The following MAGI3 variants were observed in gnomAD, a reference collection of about 807,000 sequenced individuals.
MAGI3 encodes the protein membrane-associated guanylate kinase, WW and PDZ domain-containing protein 3.
A neutral mutation model predicts 121.8 loss-of-function variants in MAGI3; 43 were observed. The observed-to-expected ratio is 0.35, with a 90% CI of 0.28 to 0.46. The LOEUF (loss-of-function observed/expected upper bound fraction) is 0.46, where lower values mean the gene tolerates loss of function less well. Ranked by LOEUF, MAGI3 falls within the 20% of genes least tolerant of loss-of-function variation. The probability of loss-of-function intolerance (pLI) is 1.00; values close to 1 mark genes in which losing one functional copy is unlikely to be tolerated. For missense variants in MAGI3, 1,547 were observed against 1,797.3 expected (o/e 0.86, Z 2.52); for synonymous variants, 553 against 639.3 (o/e 0.86, Z 2.04).
chr1:113,407,840 C>T (rs1431088812), intron 1 of MAGI3, among the ~76,000 whole-genome samples: 1 of 152,046 alleles, frequency 6.6e-6, no homozygotes, highest in Admixed American at 6.6e-5. Flanking sequence ...CGTTTATGTG[C>T]TAAAATATCT....
chr1:113,556,957 C>T (rs769555190), intron 2 of MAGI3, among the ~76,000 whole-genome samples: 5 of 152,182 alleles, frequency 3.3e-5, no homozygotes, highest in Non-Finnish European at 5.9e-5. Flanking sequence ...ACTACCAGTG[C>T]TCACTCATGA....
chr1:113,406,985 C>G (rs1651716610), intron 1 of MAGI3, among the ~76,000 whole-genome samples: 1 of 152,048 alleles, frequency 6.6e-6, no homozygotes, highest in South Asian at 2.1e-4. Flanking sequence ...ATATGAGAAC[C>G]TGGTTCGATA....
At chr1:113,669,821 C>T (rs901092822) in intron 16 of MAGI3, among the ~76,000 whole-genome samples, 33 of 152,064 alleles carry the variant, frequency 2.2e-4, no homozygotes, top group Admixed American at 9.2e-4. Flanking sequence ...TGAGCCACCG[C>T]GCCCAGCCCA....
chr1:113,621,135 A>G (rs2101786662), intron 8 of MAGI3, among the ~76,000 whole-genome samples: 1 of 152,266 alleles, frequency 6.6e-6, no homozygotes, highest in East Asian at 1.9e-4. Flanking sequence ...GGCAGACAAA[A>G]ATTTTAAAGG....
At chr1:113,423,903 G>T (rs1417145135) in intron 1 of MAGI3, among the ~76,000 whole-genome samples, 1 of 151,926 alleles carries the variant, frequency 6.6e-6, no homozygotes, top group East Asian at 1.9e-4. Flanking sequence ...TGGGGTGGGG[G>T]CGGGGACTGG....
chr1:113,565,493 A>AT (rs1176153374), intron 2 of MAGI3, among the ~76,000 whole-genome samples: 2 of 152,106 alleles, frequency 1.3e-5, no homozygotes, highest in South Asian at 2.1e-4. Context: ...CTCTCTTTGC[A>AT]TTTTTTCTGT....
chr1:113,525,252 C>T (rs1188069790), intron 1 of MAGI3, among the ~76,000 whole-genome samples: 1 of 152,112 alleles, frequency 6.6e-6, no homozygotes, highest in Non-Finnish European at 1.5e-5. Flanking sequence ...TAGCTTTTTC[C>T]TTTTTTTATT....
intron 20 of MAGI3, chr1:113,682,387 T>A (rs1223428274): frequency 6.8e-7 from 1 of 1,464,284 alleles, no homozygotes; most frequent in Admixed American, 2.7e-5. Context: ...TCTATTTCTA[T>A]CTTCTGCACT....
At position 113,411,719 on chromosome 1, in the gene MAGI3, G is replaced by GT. The variant is rs758713324; in HGVS notation, c.316+20382dup. ...ATCTTGAATACAAATTAATTTTTTG[G>GT]TTTTTTTTTTTTCTATAAAAGTGAA... On this transcript the variant is annotated intron_variant, in intron 1 of 20. Transcript: ENST00000307546. Among the ~76,000 whole-genome samples, 616 of 143,592 alleles carry GT rather than the reference G, an allele frequency of 4.3e-3. 2 individuals are homozygous for GT. Among genetic ancestry groups the GT allele is most frequent in the Admixed American group, 5.7e-3 (81 of 14,336 alleles). The allele number at this position is 143,592 out of a possible 152,430, so 94.2% of individuals were successfully genotyped here.
rs879858160 is a variant in MAGI3, at chr1:113,406,519, G to GA, written c.316+15180dup. 9.7e-3 allele frequency among the ~76,000 whole-genome samples: 1,387 copies of GA among 142,528 alleles called. 5 individuals are homozygous for GA. The highest frequency in any genetic ancestry group is 0.025 in the Middle Eastern group (7 of 284). The allele number at this position is 142,528 out of a possible 152,430, so 93.5% of individuals were successfully genotyped here. A position where few individuals can be genotyped will look rare whatever the true frequency, so the allele number is the denominator to read the frequency against. On this transcript the variant is annotated intron_variant, in intron 1 of 20. Coordinates refer to ENST00000307546, the MANE Select transcript of MAGI3 (RefSeq NM_001142782.2). ...TCTATTCTTTCATAAGATGATAAAT[G>GA]AAAAAAAAAAGAAAATAGATTTTTG...
At chr1:113,682,736 G>A (rs902429388) in intron 20 of MAGI3, 161 bp from the exon 21 acceptor site, 10 of 982,676 alleles carry the variant, frequency 1.0e-5, no homozygotes, top group East Asian at 1.1e-4. Context: ...GTACACATCC[G>A]CCTTTATAGA....
At position 113,683,218 on chromosome 1, in the gene MAGI3, G is replaced by A. The variant is rs775747340; in HGVS notation, c.3650G>A (p.Arg1217Gln). 20 of 1,613,778 alleles carry A rather than the reference G, an allele frequency of 1.2e-5. No individual in the cohort carries two copies. Among genetic ancestry groups the A allele is most frequent in the South Asian group, 1.2e-4 (11 of 91,050 alleles). ...TTAAAAGTAGAAAATGGTGTTACAC[G>A]AAGAGGTAGATCGGTTAGTCCCAAA... ...NLLKVENGVT[R>Q]RGRSVSPKKP... Residue 1217 changes from arginine to glutamine, a missense_variant, in exon 21 of 21, where the codon CGA (arginine) becomes CAA (glutamine). Transcript: ENST00000307546.
At chr1:113,531,724 C>CGGGGGG (rs1553196292) in intron 1 of MAGI3, among the ~76,000 whole-genome samples, 1 of 121,276 alleles carries the variant, frequency 8.2e-6, no homozygotes, top group Non-Finnish European at 1.7e-5. Context: ...GGGTGGGGGT[C>CGGGGGG]GGGTGGGGGG....
chr1:113,450,379 G>A (rs1378324433), intron 1 of MAGI3: 18 of 1,159,132 alleles, frequency 1.6e-5, no homozygotes, highest in Non-Finnish European at 2.1e-5. Context: ...AGTTATGGAG[G>A]AGGTGATGGT....
chr1:113,496,514 G>A (rs1411403833), intron 1 of MAGI3, among the ~76,000 whole-genome samples: 2 of 152,174 alleles, frequency 1.3e-5, no homozygotes, highest in Non-Finnish European at 2.9e-5. Flanking sequence ...TCTGCAGAGT[G>A]TCTTAGAATT....
In MAGI3 at chr1:113,640,526, A is replaced by G. The variant is rs185591157; in HGVS notation, c.1361-1385A>G. On this transcript the variant is annotated intron_variant, in intron 9 of 20. Coordinates refer to ENST00000307546, the MANE Select transcript of MAGI3 (RefSeq NM_001142782.2). Reference sequence around the variant, plus strand: ...TGCATAAGGAAAATGTGGTATATATACACTATGGAATACTATGCAGCCATA... The same window carrying G: ...TGCATAAGGAAAATGTGGTATATATGCACTATGGAATACTATGCAGCCATA... Among the ~76,000 whole-genome samples the G allele has an allele frequency of 4.1e-4, 62 of 152,296 alleles. 2 individuals are homozygous for G. The highest frequency in any genetic ancestry group is 1.8e-3 in the Admixed American group (28 of 15,294).
chr1:113,415,287 T>C (rs879777869), intron 1 of MAGI3, among the ~76,000 whole-genome samples: 8 of 152,092 alleles, frequency 5.3e-5, no homozygotes, highest in Non-Finnish European at 1.0e-4. Context: ...TTTTGAATTG[T>C]CTATGCCATT....
At chr1:113,638,623 G>A (rs1391458218) in intron 9 of MAGI3, among the ~76,000 whole-genome samples, 2 of 152,224 alleles carry the variant, frequency 1.3e-5, no homozygotes, top group Non-Finnish European at 2.9e-5. Flanking sequence ...GGTCATGTGA[G>A]GTGTCAGTCT....
intron 1 of MAGI3, among the ~76,000 whole-genome samples, chr1:113,488,093 T>A (rs916041794): frequency 6.6e-6 from 1 of 152,094 alleles, no homozygotes; most frequent in African/African-American, 2.4e-5. Flanking sequence ...TTTTTCTTGC[T>A]TTTTTTTACT....
Sources: allele counts gnomAD v4.1 joint callset (sites outside exome capture counted in the v4.1 genomes callset), GRCh38; gene constraint gnomAD v4.1.1; transcripts MANE v1.5; gene names NCBI Gene and HGNC (gene_info 2026-07-23, HGNC 2026-07-21).